Variants in HIPK3 observed in about 807,000 individuals in gnomAD.
The protein encoded by HIPK3 is homeodomain interacting protein kinase 3.
HIPK3 carries 47 observed loss-of-function variants against 124.2 expected under a neutral mutation model. The ratio of observed to expected loss-of-function variants is 0.38; its 90% CI spans 0.30 to 0.48. The LOEUF (loss-of-function observed/expected upper bound fraction) is 0.48. HIPK3 is among the 20% of genes least tolerant of loss of function. The probability of loss-of-function intolerance (pLI) is 0.98; values close to 1 mark genes in which losing one functional copy is unlikely to be tolerated. For synonymous variants in HIPK3, 482 were observed against 515.2 expected, an observed-to-expected ratio of 0.94 and a Z score of 0.87; for missense variants, 1,286 against 1,454.3, an observed-to-expected ratio of 0.88 and a Z score of 1.88.
chr11:33,297,992 T>C (rs111791791), intron 2 of HIPK3, among the ~76,000 whole-genome samples: 1 of 152,030 alleles, frequency 6.6e-6, no homozygotes, highest in African/African-American at 2.4e-5. Flanking sequence ...TTTCACCATG[T>C]TGGCCAGGCT....
rs575202399 is a variant in HIPK3 at position 33,348,996 on chromosome 11, G to A, written c.2667-151G>A. 50 of 878,644 alleles carry A rather than the reference G, an allele frequency of 5.7e-5. No homozygotes were observed. The Admixed American group carries it at 6.2e-4, about 11-fold the overall frequency. The allele number at this position is 878,644 out of a possible 1,614,324, so 54.4% of individuals were successfully genotyped here. A position where few individuals can be genotyped will look rare whatever the true frequency, so the allele number is the denominator to read the frequency against. ...AATAACATTTAGCACGATTATTATA[G>A]CATTTTCCTTGTATCTGTAAGCTTT... is the stretch of plus-strand genomic sequence containing the variant. On this transcript the variant is annotated intron_variant, in intron 13 of 16. Transcript: ENST00000303296.
intron 1 of HIPK3, among the ~76,000 whole-genome samples, chr11:33,276,806 A>G (rs1208966934): frequency 6.6e-6 from 1 of 152,130 alleles, no homozygotes; most frequent in African/African-American, 2.4e-5. Flanking sequence ...TCCGGATTCA[A>G]GTGATTCCCA....
At chr11:33,350,394 C>T (rs575012447) in intron 14 of HIPK3, among the ~76,000 whole-genome samples, 1 of 151,914 alleles carries the variant, frequency 6.6e-6, no homozygotes, top group Non-Finnish European at 1.5e-5. Flanking sequence ...AGTCTAGGCA[C>T]AGTGGCCAAC....
At chr11:33,351,872 TG>T in intron 15 of HIPK3, 29 bp downstream of exon 15, 1 of 1,551,748 alleles carries the variant, frequency 6.4e-7, no homozygotes, top group South Asian at 1.1e-5. Flanking sequence ...TTTCTCTGGT[TG>T]TCCTTTAAAT....
intron 2 of HIPK3, among the ~76,000 whole-genome samples, chr11:33,297,543 G>A (rs1316120370): frequency 6.6e-6 from 1 of 152,156 alleles, no homozygotes. Flanking sequence ...ATGGAAACTA[G>A]CAGAGGTTGA....
In HIPK3 at chr11:33,356,770, A is replaced by G. The variant is rs1853828747; in HGVS notation, c.*3202A>G. ...GTTTTTGCTTTTACTCCTATGCTAC[A>G]CTAGTTTGCCATGTAGCAATTGCAC... On this transcript the variant is annotated 3_prime_UTR_variant, in exon 17 of 17. Transcript: ENST00000303296. The G allele has an allele frequency of 6.6e-6, 1 of 152,076 alleles. No homozygotes were observed. The highest frequency in any genetic ancestry group is 1.9e-4 in the East Asian group (1 of 5,204). The allele number at this position is 152,076 out of a possible 1,614,324, so 9.4% of individuals were successfully genotyped here.
At chr11:33,269,617 CTG>C (rs1397977238) in intron 1 of HIPK3, among the ~76,000 whole-genome samples, 1 of 151,672 alleles carries the variant, frequency 6.6e-6, no homozygotes, top group African/African-American at 2.4e-5. Context: ...CTAGGGTCCT[CTG>C]TTTCTTTTTC....
intron 1 of HIPK3, among the ~76,000 whole-genome samples, chr11:33,278,721 G>A (rs1481373111): frequency 4.6e-5 from 7 of 152,258 alleles, no homozygotes; most frequent in African/African-American, 1.7e-4. Context: ...GTGGACGCCT[G>A]TAGTCCCAGC....
intron 2 of HIPK3, among the ~76,000 whole-genome samples, chr11:33,312,516 G>A (rs1049453334): frequency 6.6e-6 from 1 of 152,106 alleles, no homozygotes; most frequent in African/African-American, 2.4e-5. Context: ...TGTGTTCATC[G>A]AATACATCTT....
intron 8 of HIPK3, among the ~76,000 whole-genome samples, chr11:33,343,962 G>C (rs1853419818): frequency 6.6e-6 from 1 of 152,116 alleles, no homozygotes; most frequent in Non-Finnish European, 1.5e-5. Context: ...TCATTGTAGT[G>C]TTAGGAATAA....
chr11:33,328,279 GA>G (rs1360912806), intron 2 of HIPK3, among the ~76,000 whole-genome samples: 3 of 152,114 alleles, frequency 2.0e-5, no homozygotes, highest in African/African-American at 7.2e-5. Context: ...AACTATAAGG[GA>G]AAAGGATTAC....
intron 1 of HIPK3, among the ~76,000 whole-genome samples, chr11:33,276,490 T>A (rs1451736672): frequency 2.6e-5 from 4 of 152,220 alleles, no homozygotes; most frequent in Non-Finnish European, 1.5e-5. Flanking sequence ...ATAGTTGATA[T>A]ACAATCACGT....
intron 1 of HIPK3, chr11:33,258,220 G>GCCC: frequency 3.2e-6 from 2 of 627,252 alleles, no homozygotes; most frequent in Non-Finnish European, 4.0e-6. Flanking sequence ...CCCTCCCCCT[G>GCCC]CCAAGGTTGC....
chr11:33,286,059 ATACTT>A (rs1182725597), intron 1 of HIPK3, among the ~76,000 whole-genome samples: 1 of 152,086 alleles, frequency 6.6e-6, no homozygotes, highest in Non-Finnish European at 1.5e-5. Flanking sequence ...ACAGGGATCT[ATACTT>A]TTCTTTTGAG....
Position 33,353,497 on chromosome 11 carries a change from A to G in HIPK3, c.3577A>G (p.Ile1193Val), listed in dbSNP as rs1853734188. ...ACCAATCTTCCCACCACATTCTTACATTGCAGCATCACCTGCATATACTGG... is the reference window on the plus strand; with the variant it reads ...ACCAATCTTCCCACCACATTCTTACGTTGCAGCATCACCTGCATATACTGG... ...YKPIFPPHSYIAASPAYTGFP... is the reference protein window; with the variant it reads ...YKPIFPPHSYVAASPAYTGFP... Residue 1193 changes from isoleucine (I) to valine (V), a missense_variant, in exon 17 of 17, where the codon ATT becomes GTT. Coordinates refer to ENST00000303296, the MANE Select transcript of HIPK3 (RefSeq NM_005734.5). The G allele has an allele frequency of 4.3e-6, 7 of 1,614,104 alleles. No individual in the cohort carries two copies. The highest frequency in any genetic ancestry group is 1.3e-5 in the African/African-American group (1 of 75,046).
chr11:33,306,232 A>G (rs1852155438), intron 2 of HIPK3, among the ~76,000 whole-genome samples: 1 of 152,210 alleles, frequency 6.6e-6, no homozygotes, highest in Admixed American at 6.5e-5. Flanking sequence ...TAATAGTAAA[A>G]TGAAAATAAA....
chr11:33,263,527 G>C (rs892307682), intron 1 of HIPK3, among the ~76,000 whole-genome samples: 2 of 151,990 alleles, frequency 1.3e-5, no homozygotes, highest in African/African-American at 4.8e-5. Flanking sequence ...TGTTGTCCAG[G>C]GTGGTCTCAA....
chr11:33,271,282 A>G (rs969437822), intron 1 of HIPK3, among the ~76,000 whole-genome samples: 1 of 152,178 alleles, frequency 6.6e-6, no homozygotes, highest in African/African-American at 2.4e-5. Flanking sequence ...GCAAATGCCT[A>G]AAAAATGGTG....
chr11:33,338,869 A>T, intron 5 of HIPK3, 26 bp downstream of exon 5: 1 of 1,513,028 alleles, frequency 6.6e-7, no homozygotes, highest in Non-Finnish European at 9.2e-7. Flanking sequence ...ACATTTGTTC[A>T]TCTTACATGC....
Sources: gnomAD v4.1 joint callset for allele counts (sites outside exome capture counted in the v4.1 genomes callset) on GRCh38, gnomAD v4.1.1 for gene constraint, MANE v1.5 for transcripts, NCBI Gene and HGNC (gene_info 2026-07-23, HGNC 2026-07-21) for gene names.